DLG2: variants seen among roughly 807,000 people sequenced by gnomAD.
DLG2 encodes disks large homolog 2.
In DLG2, 45 loss-of-function variants were observed where a neutral mutation model predicts 132.5. The ratio of observed to expected loss-of-function variants is 0.34; its 90% CI spans 0.27 to 0.44. The LOEUF is 0.44. Ranked by LOEUF, DLG2 falls within the 20% of genes least tolerant of loss-of-function variation. The pLI, the probability that DLG2 is intolerant of heterozygous loss-of-function variation, is 1.00. For missense variants in DLG2, 1,045 were observed against 1,196.9 expected (o/e 0.87, Z 1.87); for synonymous variants, 424 against 419.6 (o/e 1.01, Z -0.13).
At chr11:84,396,388 A>T (rs1329439615) in intron 7 of DLG2, among the ~76,000 whole-genome samples, 2 of 151,354 alleles carry the variant, frequency 1.3e-5, no homozygotes, top group African/African-American at 2.4e-5. Context: ...AAGATACTTT[A>T]AAAAAAAATA....
At chr11:84,565,119 T>C (rs2099447293) in intron 6 of DLG2, among the ~76,000 whole-genome samples, 1 of 152,104 alleles carries the variant, frequency 6.6e-6, no homozygotes, top group Non-Finnish European at 1.5e-5. Flanking sequence ...AAAAATAAAA[T>C]ATTTTCATTT....
At chr11:84,209,031 T>C (rs1006949206) in intron 8 of DLG2, among the ~76,000 whole-genome samples, 1 of 152,214 alleles carries the variant, frequency 6.6e-6, no homozygotes, top group African/African-American at 2.4e-5. Context: ...TGTGTATACA[T>C]AGGATAATAT....
intron 3 of DLG2, among the ~76,000 whole-genome samples, chr11:85,501,592 T>A (rs1435195604): frequency 6.6e-6 from 1 of 151,764 alleles, no homozygotes; most frequent in African/African-American, 2.4e-5. Flanking sequence ...AAACAACCCA[T>A]CAAAAAATGG....
intron 7 of DLG2, among the ~76,000 whole-genome samples, chr11:84,304,730 T>C (rs1415357832): frequency 1.3e-5 from 2 of 152,220 alleles, no homozygotes; most frequent in African/African-American, 4.8e-5. Flanking sequence ...TATTATTCTT[T>C]TGATTTTCTT....
At chr11:85,536,642 G>A (rs993145220) in intron 3 of DLG2, among the ~76,000 whole-genome samples, 6 of 152,220 alleles carry the variant, frequency 3.9e-5, no homozygotes, top group Admixed American at 1.3e-4. Flanking sequence ...GGCAGGAGCT[G>A]GGGCTGCGTG....
At chr11:84,329,328 A>T (rs4944482) in intron 7 of DLG2, among the ~76,000 whole-genome samples, 40,746 of 152,056 alleles carry the variant, frequency 0.27, 5,709 homozygotes, top group East Asian at 0.59. Context: ...ACCAAATCTC[A>T]TCTTGAATTG....
chr11:83,632,688 C>T (rs1049330645), intron 19 of DLG2: 3 of 152,466 alleles, frequency 2.0e-5, no homozygotes, highest in African/African-American at 7.2e-5. Context: ...CTTCTATGGT[C>T]TGAGAAAAAA....
chr11:84,859,951 C>T (rs1160261020), intron 6 of DLG2, among the ~76,000 whole-genome samples: 2 of 152,068 alleles, frequency 1.3e-5, no homozygotes, highest in African/African-American at 4.8e-5. Context: ...TTGAACAAAG[C>T]CTTCTGTATG....
intron 7 of DLG2, among the ~76,000 whole-genome samples, chr11:84,411,663 C>T (rs370272887): frequency 2.6e-5 from 4 of 152,102 alleles, no homozygotes; most frequent in African/African-American, 9.6e-5. Flanking sequence ...GAATGAAACA[C>T]ATTTTCATTT....
intron 11 of DLG2, among the ~76,000 whole-genome samples, chr11:84,006,480 T>C (rs780205706): frequency 1.3e-5 from 2 of 151,596 alleles, no homozygotes; most frequent in Non-Finnish European, 3.0e-5. Flanking sequence ...TTTAAGTATT[T>C]ACGATAAATA....
chr11:85,276,040 C>T (rs765908175), intron 4 of DLG2, among the ~76,000 whole-genome samples: 15 of 152,132 alleles, frequency 9.9e-5, no homozygotes, highest in Non-Finnish European at 1.6e-4. Context: ...TGTCCTTAGA[C>T]CCACTCCAGT....
chr11:83,879,290 C>T (rs1291351412), intron 15 of DLG2, among the ~76,000 whole-genome samples: 1 of 151,998 alleles, frequency 6.6e-6, no homozygotes, highest in Non-Finnish European at 1.5e-5. Context: ...TTTTTGTGTA[C>T]TTTATTAATT....
At chr11:85,243,217 T>C (rs1041234372) in intron 4 of DLG2, among the ~76,000 whole-genome samples, 2 of 151,894 alleles carry the variant, frequency 1.3e-5, no homozygotes, top group East Asian at 3.9e-4. Context: ...AGAGTTGACT[T>C]TGAGAGAGGA....
chr11:84,747,744 C>T (rs938727411), intron 6 of DLG2, among the ~76,000 whole-genome samples: 2 of 152,090 alleles, frequency 1.3e-5, no homozygotes, highest in African/African-American at 4.8e-5. Flanking sequence ...TTTTATGGTA[C>T]ATACTTCTTA....
intron 7 of DLG2, among the ~76,000 whole-genome samples, chr11:84,360,627 T>C (rs2098644204): frequency 1.3e-5 from 2 of 151,924 alleles, no homozygotes; most frequent in Non-Finnish European, 2.9e-5. Flanking sequence ...TCCAATGCAC[T>C]GAAGACAGAA....
intron 14 of DLG2, among the ~76,000 whole-genome samples, chr11:83,931,136 T>A (rs115003010): frequency 0.041 from 6,297 of 152,304 alleles, 454 homozygotes; most frequent in African/African-American, 0.14. Context: ...TAGGGCCTAC[T>A]ACAAATGCTA....
chr11:85,068,263 C>T (rs2065240610), intron 6 of DLG2, among the ~76,000 whole-genome samples: 1 of 152,080 alleles, frequency 6.6e-6, no homozygotes. Flanking sequence ...CCCTCTCTCA[C>T]CACTCCTATT....
At chr11:83,652,291 C>G (rs1047421148) in intron 18 of DLG2, among the ~76,000 whole-genome samples, 61 of 152,030 alleles carry the variant, frequency 4.0e-4, no homozygotes, top group Non-Finnish European at 7.1e-4. Flanking sequence ...AGAGGAACAA[C>G]CTTTGAAAGC....
At chr11:83,822,347 A>G (rs1228403074) in intron 17 of DLG2, among the ~76,000 whole-genome samples, 3 of 152,152 alleles carry the variant, frequency 2.0e-5, no homozygotes, top group African/African-American at 7.2e-5. Context: ...GATCCTTAAG[A>G]TACTAGACCT....
Sources: gnomAD v4.1 joint callset for allele counts (sites outside exome capture counted in the v4.1 genomes callset) on GRCh38, gnomAD v4.1.1 for gene constraint, MANE v1.5 for transcripts, NCBI Gene and HGNC (gene_info 2026-07-23, HGNC 2026-07-21) for gene names.